COL23A1: variants seen among roughly 807,000 people sequenced by gnomAD.
The protein encoded by COL23A1 is collagen type XXIII alpha 1 chain, also known as collagen alpha-1(XXIII) chain.
COL23A1 carries 97 observed loss-of-function variants against 99.3 expected under a neutral mutation model. The observed-to-expected ratio is 0.98, with a 90% CI of 0.83 to 1.16. The LOEUF is 1.16. COL23A1 is among the 50% of genes most tolerant of loss of function. The pLI is 0.00. For synonymous variants in COL23A1, 320 were observed against 308.2 expected, an observed-to-expected ratio of 1.04 and a Z score of -0.40; for missense variants, 762 against 757.4, an observed-to-expected ratio of 1.01 and a Z score of -0.07.
intron 1 of COL23A1, among the ~76,000 whole-genome samples, chr5:178,567,993 T>C (rs1390261900): frequency 6.6e-6 from 1 of 152,218 alleles, no homozygotes; most frequent in Non-Finnish European, 1.5e-5. Flanking sequence ...ATCTGGCAGA[T>C]TTCCCTTCCC....
chr5:178,414,446 A>G lies in COL23A1; in HGVS notation c.362-107527T>C, dbSNP rs1346125805. 5.9e-5 allele frequency among the ~76,000 whole-genome samples: 9 copies of G among 151,508 alleles called. No individual in the cohort carries two copies. In the South Asian group the frequency reaches 1.9e-3, roughly 31 times the overall value. ...AAAGGACTTGTTTTCCCTCCCATTT[A>G]CCACTTCTCCAAAGGCAGGTAAATG... On this transcript the variant is annotated intron_variant, in intron 2 of 28. Transcript: ENST00000390654.
rs202184014 is a variant in COL23A1, at chr5:178,488,695, AC to A, written c.361+71986del. ...CTATGACTCTTTAAAAAAAAAAAAAACGCTTTGAGGTATGATTGACATGAAC... is the reference window on the plus strand; with the variant it reads ...CTATGACTCTTTAAAAAAAAAAAAAAGCTTTGAGGTATGATTGACATGAAC... On this transcript the variant is annotated intron_variant, in intron 2 of 28. Coordinates refer to ENST00000390654, the MANE Select transcript of COL23A1 (RefSeq NM_173465.4). 7.9e-3 allele frequency among the ~76,000 whole-genome samples: 1,187 copies of A among 149,610 alleles called. 10 individuals carry two copies. The highest frequency in any genetic ancestry group is 0.012 in the Non-Finnish European group (796 of 67,522).
chr5:178,453,447 G>T (rs1448443994), intron 2 of COL23A1, among the ~76,000 whole-genome samples: 1 of 152,170 alleles, frequency 6.6e-6, no homozygotes, highest in Non-Finnish European at 1.5e-5. Context: ...CTGTGGTGCT[G>T]TTGTAAGGGC....
At chr5:178,258,978 G>A (rs899539789) in intron 12 of COL23A1, among the ~76,000 whole-genome samples, 17 of 149,254 alleles carry the variant, frequency 1.1e-4, no homozygotes, top group African/African-American at 4.0e-4. Context: ...GTGCAGTGGC[G>A]CAATCTCAGC....
intron 2 of COL23A1, among the ~76,000 whole-genome samples, chr5:178,466,310 G>C (rs58658959): frequency 0.028 from 4,337 of 152,262 alleles, 229 homozygotes; most frequent in African/African-American, 0.098. Context: ...GCCACTGGTA[G>C]TAGCAATGGT....
intron 1 of COL23A1, among the ~76,000 whole-genome samples, chr5:178,569,185 T>G (rs1410158230): frequency 1.3e-5 from 2 of 152,256 alleles, no homozygotes; most frequent in Non-Finnish European, 2.9e-5. Flanking sequence ...GTTGCTCATC[T>G]GTATATCCTG....
intron 9 of COL23A1, 82 bp from the exon 10 acceptor site, chr5:178,262,334 C>A: frequency 7.3e-7 from 1 of 1,371,382 alleles, no homozygotes; most frequent in Non-Finnish European, 1.0e-6. Flanking sequence ...AGACCCCGGG[C>A]TGGGGCTCTA....
intron 3 of COL23A1, among the ~76,000 whole-genome samples, chr5:178,297,840 C>T (rs930955022): frequency 2.0e-5 from 3 of 152,178 alleles, no homozygotes; most frequent in African/African-American, 7.2e-5. Context: ...GAGGCCGTCA[C>T]ATCTTCGGAG....
At chr5:178,485,936 C>T (rs930255650) in intron 2 of COL23A1, among the ~76,000 whole-genome samples, 1 of 152,048 alleles carries the variant, frequency 6.6e-6, no homozygotes, top group Non-Finnish European at 1.5e-5. Context: ...GGAGGGGTGC[C>T]GGGGTGCTTT....
intron 2 of COL23A1, among the ~76,000 whole-genome samples, chr5:178,515,540 C>T (rs909092400): frequency 3.9e-5 from 6 of 152,254 alleles, no homozygotes; most frequent in East Asian, 1.9e-4. Context: ...CTCAGGCCTC[C>T]GACCTACCTG....
At chr5:178,258,262 T>TATATATATACATACACAC in intron 12 of COL23A1, among the ~76,000 whole-genome samples, 4 of 104,066 alleles carry the variant, frequency 3.8e-5, no homozygotes, top group African/African-American at 9.0e-5. Flanking sequence ...TATATATATA[T>TATATATATACATACACAC]ACACATGCAA....
chr5:178,481,449 T>C lies in COL23A1; in HGVS notation c.361+79233A>G, dbSNP rs1350651445. Among the ~76,000 whole-genome samples the C allele has an allele frequency of 2.6e-5, 4 of 152,128 alleles. No individual in the cohort carries two copies. In the South Asian group the frequency reaches 6.2e-4, roughly 24 times the overall value. On this transcript the variant is annotated intron_variant, in intron 2 of 28. Transcript: ENST00000390654. The stretch of plus-strand genomic sequence containing the variant: ...AGAGTATAAAGACAACCCAGAGAAT[T>C]TGCAAGTCATATATCTGATAAGTGA...
At chr5:178,279,543 TG>T (rs56934002) in intron 5 of COL23A1, among the ~76,000 whole-genome samples, 2,255 of 152,192 alleles carry the variant, frequency 0.015, 43 homozygotes, top group African/African-American at 0.051. Flanking sequence ...AACCTCCACG[TG>T]GCTGGGAAGA....
intron 5 of COL23A1, among the ~76,000 whole-genome samples, chr5:178,286,957 G>A (rs1189697785): frequency 6.6e-6 from 1 of 152,252 alleles, no homozygotes; most frequent in East Asian, 1.9e-4. Context: ...CCGGGGTGAA[G>A]GGAACTGCGT....
intron 2 of COL23A1, among the ~76,000 whole-genome samples, chr5:178,473,883 A>G (rs1392796702): frequency 6.6e-6 from 1 of 152,238 alleles, no homozygotes; most frequent in Non-Finnish European, 1.5e-5. Context: ...CTGAACAACC[A>G]GACCAGATTA....
intron 8 of COL23A1, 44 bp downstream of exon 8, chr5:178,267,263 A>T (rs779048136): frequency 6.2e-7 from 1 of 1,610,704 alleles, no homozygotes; most frequent in Admixed American, 1.7e-5. Flanking sequence ...TATTACACAA[A>T]ACAAACCATG....
intron 1 of COL23A1, among the ~76,000 whole-genome samples, chr5:178,582,378 G>A (rs752641317): frequency 6.6e-6 from 1 of 152,186 alleles, no homozygotes; most frequent in Non-Finnish European, 1.5e-5. Flanking sequence ...CAGCTGCCTG[G>A]AGGAGGGCAC....
rs543014368 is a variant in COL23A1 at position 178,398,397 on chromosome 5, C to T, written c.362-91478G>A. Reference sequence around the variant, plus strand: ...ATCCCAGCACTTTGAGAGGCCGACGCAGGCGGATCACATTGGGTCAGGAGT... The same window carrying T: ...ATCCCAGCACTTTGAGAGGCCGACGTAGGCGGATCACATTGGGTCAGGAGT... On this transcript the variant is annotated intron_variant, in intron 2 of 28. Transcript: ENST00000390654. 1.9e-4 allele frequency among the ~76,000 whole-genome samples: 29 copies of T among 152,340 alleles called. 2 individuals carry two copies. In the South Asian group the frequency reaches 5.2e-3, roughly 27 times the overall value.
chr5:178,518,435 G>T (rs2128001737), intron 2 of COL23A1, among the ~76,000 whole-genome samples: 1 of 150,768 alleles, frequency 6.6e-6, no homozygotes, highest in East Asian at 2.0e-4. Flanking sequence ...CGGGGTGGTG[G>T]CCGGGCAGAG....
Sources: gnomAD v4.1 joint callset for allele counts (sites outside exome capture counted in the v4.1 genomes callset) on GRCh38, gnomAD v4.1.1 for gene constraint, MANE v1.5 for transcripts, NCBI Gene and HGNC (gene_info 2026-07-23, HGNC 2026-07-21) for gene names.